The following SPON2 variants were observed in gnomAD, a reference collection of about 807,000 sequenced individuals.
SPON2 encodes the protein spondin 2, also known as spondin-2.
A neutral mutation model predicts 29.9 loss-of-function variants in SPON2; 32 were observed. The observed-to-expected ratio is 1.07, with a 90% confidence interval of 0.81 to 1.44. The LOEUF is 1.44. Ranked by LOEUF, SPON2 falls within the 40% of genes most tolerant of loss-of-function variation. The pLI is 0.00. For missense variants in SPON2, 541 were observed against 455.5 expected (o/e 1.19, Z -1.71); for synonymous variants, 248 against 209.1 (o/e 1.19, Z -1.61).
intron 1 of SPON2, among the ~76,000 whole-genome samples, chr4:1,207,293 G>T (rs374509570): frequency 1.3e-5 from 2 of 152,048 alleles, no homozygotes; most frequent in Non-Finnish European, 2.9e-5. Flanking sequence ...CCGGCTGCTC[G>T]ACACCCTCCG....
upstream of SPON2, among the ~76,000 whole-genome samples, chr4:1,176,392 T>A (rs571394417): frequency 6.6e-6 from 1 of 152,138 alleles, no homozygotes; most frequent in African/African-American, 2.4e-5. Context: ...CATTCATTCA[T>A]TCACTCACAC....
chr4:1,171,699 G>A (rs1727455884), intron 2 of SPON2, 153 bp downstream of exon 2: 1 of 775,540 alleles, frequency 1.3e-6, no homozygotes. Flanking sequence ...CCCCGGAACC[G>A]CACACCGCAG....
intron 1 of SPON2, among the ~76,000 whole-genome samples, chr4:1,189,784 C>G (rs1254812160): frequency 6.6e-6 from 1 of 151,300 alleles, no homozygotes; most frequent in Non-Finnish European, 1.5e-5. Flanking sequence ...GTCGGGAGAT[C>G]GAGACCATCC....
rs1287422439 is a variant in SPON2 at position 1,202,912 on chromosome 4, G to T, written c.-234+4968C>A. On this transcript the variant is annotated intron_variant, in intron 1 of 3. Transcript: ENST00000509233. The surrounding 1 kb of genome is among the most constrained non-coding windows in gnomAD (Gnocchi z 5.4). Reference sequence around the variant, plus strand: ...ACCTGCCTGAGCCATGGCTGGGGCGGCCAAGGAGGGCTGGGCCAGGATCGG... The same window carrying T: ...ACCTGCCTGAGCCATGGCTGGGGCGTCCAAGGAGGGCTGGGCCAGGATCGG... Among the ~76,000 whole-genome samples, 1 of 152,174 alleles carries T rather than the reference G, an allele frequency of 6.6e-6. No individual in the cohort carries two copies. Among genetic ancestry groups the T allele is most frequent in the East Asian group, 1.9e-4 (1 of 5,184 alleles).
At chr4:1,204,893 C>T (rs1728302035) in intron 1 of SPON2, 1 of 152,242 alleles carries the variant, frequency 6.6e-6, no homozygotes, top group Non-Finnish European at 1.5e-5. Context: ...TTTCTTTCTT[C>T]ATTGTCTCTC....
intron 1 of SPON2, among the ~76,000 whole-genome samples, chr4:1,182,206 A>G (rs1030750001): frequency 6.6e-6 from 1 of 152,208 alleles, no homozygotes; most frequent in Non-Finnish European, 1.5e-5. Context: ...AAGAAACAGG[A>G]AAGTATGGCC....
upstream of SPON2, chr4:1,208,205 A>C (rs2108687261): frequency 6.6e-6 from 1 of 152,434 alleles, no homozygotes; most frequent in South Asian, 2.1e-4. Context: ...GGCTGAGAGC[A>C]GCTAGGGGTG....
chr4:1,204,270 A>G (rs547058884), intron 1 of SPON2, among the ~76,000 whole-genome samples: 5 of 152,290 alleles, frequency 3.3e-5, no homozygotes, highest in African/African-American at 4.8e-5. Context: ...CTTACCCTGG[A>G]GCCGATACAC....
intron 1 of SPON2, among the ~76,000 whole-genome samples, chr4:1,201,789 TAGTC>T (rs751561453): frequency 6.6e-6 from 1 of 152,060 alleles, no homozygotes; most frequent in Admixed American, 6.6e-5. Flanking sequence ...TTCACTGTGT[TAGTC>T]AGGATGGTCT....
At chr4:1,174,510 AC>A (rs200537700), upstream of SPON2, among the ~76,000 whole-genome samples, 456 of 149,420 alleles carry the variant, frequency 3.1e-3, 17 homozygotes, top group African/African-American at 0.01. Context: ...AAACAAAAAA[AC>A]AAAAAACAAA....
At chr4:1,190,237 T>C (rs1206565314) in intron 1 of SPON2, among the ~76,000 whole-genome samples, 1 of 141,158 alleles carries the variant, frequency 7.1e-6, no homozygotes, top group African/African-American at 2.5e-5. Context: ...CATGAAGACA[T>C]ACAAAATCTG....
At chr4:1,183,239 T>C (rs1577904030) in intron 1 of SPON2, among the ~76,000 whole-genome samples, 1 of 13,010 alleles carries the variant, frequency 7.7e-5, no homozygotes. Context: ...TGAAACTCCA[T>C]CAAAAAAAAA....
At chr4:1,197,364 A>C (rs1224221264), upstream of SPON2, among the ~76,000 whole-genome samples, 2 of 152,220 alleles carry the variant, frequency 1.3e-5, no homozygotes, top group Admixed American at 6.5e-5. Flanking sequence ...AAATAACGGA[A>C]AGTGCCACCT....
upstream of SPON2, among the ~76,000 whole-genome samples, chr4:1,197,466 G>A (rs544583558): frequency 3.9e-5 from 6 of 152,236 alleles, no homozygotes; most frequent in East Asian, 9.6e-4. Flanking sequence ...CTGAAAAGCC[G>A]AGAAGCCATA....
chr4:1,172,829 CCTTT>C (rs1204263606), upstream of SPON2: 2 of 151,064 alleles, frequency 1.3e-5, no homozygotes, highest in African/African-American at 2.4e-5. Context: ...CTGCCGCACC[CCTTT>C]CTTTGTCTGT....
upstream of SPON2, among the ~76,000 whole-genome samples, chr4:1,174,808 G>C (rs996940597): frequency 2.0e-5 from 3 of 152,148 alleles, no homozygotes; most frequent in Non-Finnish European, 2.9e-5. Flanking sequence ...TTCCCATATC[G>C]GCTCCAGCAC....
chr4:1,206,217 C>T (rs977481174), intron 1 of SPON2, among the ~76,000 whole-genome samples: 13 of 152,190 alleles, frequency 8.5e-5, no homozygotes, highest in Non-Finnish European at 1.5e-4. Context: ...CGGGAGCCAG[C>T]GGGCAGCAGC....
At chr4:1,169,115 G>T (rs1379718125) in intron 5 of SPON2, among the ~76,000 whole-genome samples, 1 of 151,712 alleles carries the variant, frequency 6.6e-6, no homozygotes, top group Non-Finnish European at 1.5e-5. Flanking sequence ...CTTCTGCTTG[G>T]CCACAGCTGA....
intron 1 of SPON2, among the ~76,000 whole-genome samples, chr4:1,207,332 G>A (rs972062540): frequency 3.3e-5 from 5 of 152,076 alleles, no homozygotes; most frequent in South Asian, 2.1e-4. Context: ...CCCTGGCCCC[G>A]GCTGGCCCCG....
Sources: gnomAD v4.1 joint callset for allele counts (sites outside exome capture counted in the v4.1 genomes callset) on GRCh38, gnomAD v4.1.1 for gene constraint, Gnocchi (gnomAD v3.1) non-coding constraint, MANE v1.5 for transcripts, NCBI Gene and HGNC (gene_info 2026-07-23, HGNC 2026-07-21) for gene names.